Variants in ZNF609 observed in about 807,000 individuals in gnomAD.
ZNF609 encodes the protein zinc finger protein 609.
In ZNF609, 11 loss-of-function variants were observed where a neutral mutation model predicts 109.5. That is an observed-to-expected ratio of 0.10 (90% CI 0.06 to 0.17). The LOEUF (loss-of-function observed/expected upper bound fraction) is 0.17. Ranked by LOEUF, ZNF609 falls within the 10% of genes least tolerant of loss-of-function variation. The pLI, the probability that ZNF609 is intolerant of heterozygous loss-of-function variation, is 1.00. For missense variants in ZNF609, 1,559 were observed against 1,772.4 expected (o/e 0.88, Z 2.16); for synonymous variants, 646 against 662.0 (o/e 0.98, Z 0.37).
intron 2 of ZNF609, among the ~76,000 whole-genome samples, chr15:64,532,083 T>C (rs528414057): frequency 1.2e-4 from 18 of 152,300 alleles, no homozygotes; most frequent in African/African-American, 4.3e-4. Context: ...GATTCTGCTG[T>C]TCCTTGAAAT....
chr15:64,534,515 G>A (rs539645526), intron 2 of ZNF609, among the ~76,000 whole-genome samples: 76 of 151,320 alleles, frequency 5.0e-4, no homozygotes, highest in African/African-American at 1.6e-3. Flanking sequence ...GGGTTTCACC[G>A]TGTTGGCCAG....
At chr15:64,471,625 C>A (rs1893092007) in intron 1 of ZNF609, among the ~76,000 whole-genome samples, 1 of 151,958 alleles carries the variant, frequency 6.6e-6, no homozygotes, top group African/African-American at 2.4e-5. Context: ...TCTTTGTTGC[C>A]CAGGCTGGAG....
chr15:64,585,389 G>C (rs191656897), intron 2 of ZNF609, among the ~76,000 whole-genome samples: 42 of 152,220 alleles, frequency 2.8e-4, no homozygotes, highest in Admixed American at 2.5e-3. Flanking sequence ...GAGGAAGGTA[G>C]CTTCTCTAAT....
intron 2 of ZNF609, among the ~76,000 whole-genome samples, chr15:64,617,783 A>C (rs1481330252): frequency 6.6e-6 from 1 of 152,162 alleles, no homozygotes; most frequent in Non-Finnish European, 1.5e-5. Context: ...TCCATCTCAA[A>C]AAACAAACAA....
chr15:64,471,213 A>G (rs1893085595), intron 1 of ZNF609: 1 of 151,978 alleles, frequency 6.6e-6, no homozygotes, highest in Non-Finnish European at 1.5e-5. Context: ...ACAAAAAAAT[A>G]AGTTAGGCGT....
At chr15:64,668,862 G>T (rs1896686640) in intron 3 of ZNF609, among the ~76,000 whole-genome samples, 1 of 140,906 alleles carries the variant, frequency 7.1e-6, no homozygotes, top group African/African-American at 2.6e-5. Context: ...CTGAGGCGGA[G>T]AATTGCTTGA....
intron 2 of ZNF609, among the ~76,000 whole-genome samples, chr15:64,573,348 T>TTTC (rs1555420101): frequency 3.3e-5 from 3 of 90,592 alleles, no homozygotes; most frequent in East Asian, 5.9e-4. Flanking sequence ...CCAACTTTCT[T>TTTC]TTTTTTTTTT....
chr15:64,647,696 A>G (rs960026577), intron 3 of ZNF609, among the ~76,000 whole-genome samples: 6 of 152,218 alleles, frequency 3.9e-5, no homozygotes, highest in African/African-American at 1.4e-4. Flanking sequence ...TAGTCATTAT[A>G]TCTTTTATAT....
At chr15:64,597,672 G>T (rs1483235109) in intron 2 of ZNF609, among the ~76,000 whole-genome samples, 1 of 152,118 alleles carries the variant, frequency 6.6e-6, no homozygotes, top group African/African-American at 2.4e-5. Context: ...TTGCATATTT[G>T]CATAAATGTG....
At chr15:64,478,845 A>T (rs72741348) in intron 1 of ZNF609, among the ~76,000 whole-genome samples, 9,328 of 152,268 alleles carry the variant, frequency 0.061, 295 homozygotes, top group South Asian at 0.086. Flanking sequence ...CTCCCTACCT[A>T]TGCTTAAGTA....
intron 1 of ZNF609, among the ~76,000 whole-genome samples, chr15:64,483,148 T>G (rs939004414): frequency 2.0e-5 from 3 of 151,984 alleles, no homozygotes; most frequent in African/African-American, 7.2e-5. Flanking sequence ...CAGGCTGGAG[T>G]GCAATGGTGC....
chr15:64,552,537 T>G lies in ZNF609; in HGVS notation c.747+52371T>G, dbSNP rs980106000. Reference sequence around the variant, plus strand: ...GCCTGGCTAATTTTTCTGTTTTTAGTAGGGACGGGATTTTGCTATGTTGTC... The same window carrying G: ...GCCTGGCTAATTTTTCTGTTTTTAGGAGGGACGGGATTTTGCTATGTTGTC... On this transcript the variant is annotated intron_variant, in intron 2 of 9. Coordinates refer to ENST00000326648, the MANE Select transcript of ZNF609 (RefSeq NM_015042.2). Among the ~76,000 whole-genome samples, 8 of 152,208 alleles carry G rather than the reference T, an allele frequency of 5.3e-5. No individual in the cohort carries two copies. In the East Asian group the frequency reaches 1.2e-3, roughly 22 times the overall value.
chr15:64,559,957 G>C (rs949973587), intron 2 of ZNF609, among the ~76,000 whole-genome samples: 1 of 152,142 alleles, frequency 6.6e-6, no homozygotes, highest in Admixed American at 6.5e-5. Context: ...GAGTAAAATA[G>C]GAGCTTTTGT....
rs1439688712 is a variant in ZNF609, at chr15:64,603,041, G to A, written c.748-19786G>A. Among the ~76,000 whole-genome samples the A allele has an allele frequency of 6.0e-5, 9 of 151,172 alleles. No homozygotes were observed. The East Asian group carries it at 1.2e-3, about 20-fold the overall frequency. ...ATTACAGGCGTGAGCTGCCGTGCCC[G>A]GCACTGCCCTGACTTTTCTTCTGAG... On this transcript the variant is annotated intron_variant, in intron 2 of 9. Transcript: ENST00000326648.
At chr15:64,519,735 A>G (rs71394561) in intron 2 of ZNF609, among the ~76,000 whole-genome samples, 29 of 152,046 alleles carry the variant, frequency 1.9e-4, no homozygotes, top group Non-Finnish European at 3.4e-4. Context: ...TTTTTGACCT[A>G]ATTTTCAGTT....
chr15:64,479,580 C>A (rs946885793), intron 1 of ZNF609, among the ~76,000 whole-genome samples: 113 of 151,848 alleles, frequency 7.4e-4, no homozygotes, highest in African/African-American at 2.3e-3. Flanking sequence ...CATGAGCCAC[C>A]GCGCCTGGCC....
At position 64,633,585 on chromosome 15, in the gene ZNF609, A is replaced by G. The variant is rs1896119993; in HGVS notation, c.973+10533A>G. On this transcript the variant is annotated intron_variant, in intron 3 of 9. Coordinates refer to ENST00000326648, the MANE Select transcript of ZNF609 (RefSeq NM_015042.2). ...GTAAGGCACTGGGCCTGGACCCATAAATAAAGTTTTATTGGAAGACAGTCA... is the reference window on the plus strand; with the variant it reads ...GTAAGGCACTGGGCCTGGACCCATAGATAAAGTTTTATTGGAAGACAGTCA... Among the ~76,000 whole-genome samples the G allele has an allele frequency of 2.0e-5, 3 of 152,166 alleles. No homozygotes were observed. In the South Asian group the frequency reaches 6.2e-4, roughly 31 times the overall value.
At chr15:64,564,843 G>GCTTTT (rs766416047) in intron 2 of ZNF609, among the ~76,000 whole-genome samples, 1 of 138,536 alleles carries the variant, frequency 7.2e-6, no homozygotes. Flanking sequence ...CTCACTAACT[G>GCTTTT]TTTTTTTTTT....
chr15:64,646,795 C>T (rs1016643862), intron 3 of ZNF609, among the ~76,000 whole-genome samples: 14 of 151,342 alleles, frequency 9.3e-5, no homozygotes, highest in Admixed American at 3.3e-4. Flanking sequence ...AAAAAATTAG[C>T]TGGGCATGGT....
Sources: gnomAD v4.1 joint callset for allele counts (sites outside exome capture counted in the v4.1 genomes callset) on GRCh38, gnomAD v4.1.1 for gene constraint, MANE v1.5 for transcripts, NCBI Gene and HGNC (gene_info 2026-07-23, HGNC 2026-07-21) for gene names.